Variants in VAV1 observed in about 807,000 individuals in gnomAD.
VAV1 encodes the protein proto-oncogene vav.
Under a neutral mutation model 128.1 loss-of-function variants are expected in VAV1, and 33 were observed. The observed-to-expected ratio is 0.26, with a 90% CI of 0.20 to 0.34. VAV1 has a LOEUF of 0.34. VAV1 is among the 10% of genes least tolerant of loss of function. VAV1 has a pLI of 1.00. For missense variants in VAV1, 715 were observed against 1,093.7 expected (o/e 0.65, Z 4.88); for synonymous variants, 394 against 409.8 (o/e 0.96, Z 0.47).
rs1257673878 is a variant in VAV1 at position 6,828,469 on chromosome 19, G to C, written c.1074G>C (p.Leu358=). 1 of 1,614,192 alleles carries C rather than the reference G, an allele frequency of 6.2e-7. No individual in the cohort carries two copies. The highest frequency in any genetic ancestry group is 1.3e-5 in the African/African-American group (1 of 75,046). ...QEAMEKENLR[L]ALDAMRDLAQ... ...CGATGGAGAAGGAGAACCTGCGGCTGGCCCTGGATGCCATGAGGGTGAGTG... is the reference window on the plus strand; with the variant it reads ...CGATGGAGAAGGAGAACCTGCGGCTCGCCCTGGATGCCATGAGGGTGAGTG... The change falls in exon 11 of 27, where the codon CTG becomes CTC. Residue 358 remains leucine, a synonymous_variant. Coordinates refer to ENST00000602142, the MANE Select transcript of VAV1 (RefSeq NM_005428.4). This position sits in a 1 kb window ranked among gnomAD's most constrained non-coding sequence, Gnocchi z 4.5.
chr19:6,839,096 T>C (rs1331756870), intron 21 of VAV1, among the ~76,000 whole-genome samples: 1 of 151,734 alleles, frequency 6.6e-6, no homozygotes, highest in Non-Finnish European at 1.5e-5. Context: ...AGAGATGGAG[T>C]TTCATCATGT....
chr19:6,848,150 G>T, intron 23 of VAV1, 36 bp downstream of exon 23: 1 of 1,513,256 alleles, frequency 6.6e-7, no homozygotes, highest in Non-Finnish European at 8.8e-7. Context: ...CCCTTTTGGG[G>T]CCTGGGCCCT....
intron 1 of VAV1, among the ~76,000 whole-genome samples, chr19:6,803,599 T>C (rs1161745625): frequency 6.6e-6 from 1 of 152,158 alleles, no homozygotes; most frequent in African/African-American, 2.4e-5. Context: ...ACTTTTGCCC[T>C]TGTTGTCCAG....
intron 1 of VAV1, among the ~76,000 whole-genome samples, chr19:6,778,446 G>A (rs1454498943): frequency 2.0e-5 from 3 of 152,190 alleles, no homozygotes; most frequent in Admixed American, 1.3e-4. Context: ...AGTTAGAGTA[G>A]GGGGTGGACT....
Position 6,777,913 on chromosome 19 carries a change from G to T in VAV1, c.204+4902G>T, listed in dbSNP as rs572235633. On this transcript the variant is annotated intron_variant, in intron 1 of 26. Transcript: ENST00000602142. The surrounding 1 kb of genome is among the most constrained non-coding windows in gnomAD (Gnocchi z 4.4). ...CCTCCCAGGTTCAAGCAATTCTCCT[G>T]CAGCAGCCTCCTGAGTATCTGGGAT... Among the ~76,000 whole-genome samples the T allele has an allele frequency of 2.5e-3, 378 of 152,232 alleles. 2 individuals are homozygous for T. Among genetic ancestry groups the T allele is most frequent in the African/African-American group, 8.7e-3 (363 of 41,530 alleles).
intron 19 of VAV1, 35 bp from the exon 20 acceptor site, chr19:6,836,397 C>T: frequency 6.3e-7 from 1 of 1,584,308 alleles, no homozygotes. Flanking sequence ...AAGTTGACTG[C>T]CAACCACCCT....
chr19:6,818,083 G>A (rs1485435446), intron 1 of VAV1, among the ~76,000 whole-genome samples: 1 of 151,924 alleles, frequency 6.6e-6, no homozygotes, highest in Non-Finnish European at 1.5e-5. Context: ...ACCTCCCAAC[G>A]TGCTGGGATT....
intron 14 of VAV1, 42 bp downstream of exon 14, chr19:6,829,960 C>T: frequency 5.6e-6 from 9 of 1,612,804 alleles, no homozygotes; most frequent in Non-Finnish European, 7.6e-6. Flanking sequence ...TCCACGCAGT[C>T]GGCAGCTTAG....
At chr19:6,835,738 T>C (rs2039789056) in intron 19 of VAV1, 1 of 152,264 alleles carries the variant, frequency 6.6e-6, no homozygotes, top group South Asian at 2.1e-4. Context: ...TTGTATAGTA[T>C]TCCATTATGT....
In VAV1 at chr19:6,821,660, C is replaced by A. The variant is rs141823895; in HGVS notation, c.360C>A (p.Ile120=). Residue 120 remains isoleucine, a synonymous_variant, in exon 3 of 27, where the codon ATC becomes ATA. Coordinates refer to ENST00000602142, the MANE Select transcript of VAV1 (RefSeq NM_005428.4). ...TGTCTGCTCTGTCCTGGACCCCGAT[C>A]GCCCAGAACAGGGGGATCATGTGAG... ...YTLSALSWTP[I]AQNRGIMPFP... is the part of the protein sequence containing the mutation. 6.2e-7 allele frequency: 1 copy of A among 1,614,164 alleles called. No individual in the cohort carries two copies. Among genetic ancestry groups the A allele is most frequent in the South Asian group, 1.1e-5 (1 of 91,092 alleles).
At position 6,853,184 on chromosome 19, in the gene VAV1, A is replaced by G. The variant is rs1043915103; in HGVS notation, c.2332+105A>G. 5 of 819,170 alleles carry G rather than the reference A, an allele frequency of 6.1e-6. No homozygotes were observed. In the African/African-American group the frequency reaches 6.9e-5, roughly 11 times the overall value. 50.7% of individuals were successfully genotyped at this position (819,170 alleles called of 1,614,324 possible). A position where few individuals can be genotyped will look rare whatever the true frequency, so the allele number is the denominator to read the frequency against. On this transcript the variant is annotated intron_variant, in intron 25 of 26. Coordinates refer to ENST00000602142, the MANE Select transcript of VAV1 (RefSeq NM_005428.4). The stretch of plus-strand genomic sequence containing the variant: ...CCCTTCCAATGGCCTTGCAGAGGTC[A>G]TATCTGTGCAGTAGCAGGAACCCCT...
rs921027296 is a variant in VAV1, at chr19:6,828,289, G to T, written c.1023+118G>T. ...CTAGGACGCTCGGGGATGGGTCACT[G>T]GGGTCATGTCTCAGCCTCCAGGGTC... On this transcript the variant is annotated intron_variant, in intron 10 of 26. Coordinates refer to ENST00000602142, the MANE Select transcript of VAV1 (RefSeq NM_005428.4). The surrounding 1 kb of genome is among the most constrained non-coding windows in gnomAD (Gnocchi z 4.5). 1.3e-6 allele frequency: 2 copies of T among 1,506,908 alleles called. No homozygotes were observed. Among genetic ancestry groups the T allele is most frequent in the African/African-American group, 1.4e-5 (1 of 72,546 alleles). 93.3% of individuals were successfully genotyped at this position (1,506,908 alleles called of 1,614,324 possible). A position where few individuals can be genotyped will look rare whatever the true frequency, so the allele number is the denominator to read the frequency against.
At chr19:6,817,885 A>G (rs971758956) in intron 1 of VAV1, among the ~76,000 whole-genome samples, 8 of 152,076 alleles carry the variant, frequency 5.3e-5, no homozygotes, top group Admixed American at 4.6e-4. Context: ...ACGGGATTTC[A>G]CCGTGTTAGC....
Position 6,826,682 on chromosome 19 carries a change from G to A in VAV1, c.898G>A (p.Ala300Thr). 1 of 1,558,264 alleles carries A rather than the reference G, an allele frequency of 6.4e-7. No homozygotes were observed. Among genetic ancestry groups the A allele is most frequent in the Non-Finnish European group, 8.7e-7 (1 of 1,153,638 alleles). ...CAAACACCTGGACCGTGTGGCCGCA[G>A]CCCGGGAGGACGTGCAGATGAAGCT... Reference protein sequence around the residue: ...ASKHLDRVAAAREDVQMKLEE... With the variant: ...ASKHLDRVAATREDVQMKLEE... Residue 300 changes from alanine to threonine, a missense_variant, in exon 9 of 27, where the codon GCC (alanine) becomes ACC (threonine). Ala to Thr is a moderately conservative substitution (Grantham distance 58). This residue lies in a region of VAV1 where 302 missense variants were observed against 477.8 expected (regional missense o/e 0.63). Coordinates refer to ENST00000602142, the MANE Select transcript of VAV1 (RefSeq NM_005428.4). This position sits in a 1 kb window ranked among gnomAD's most constrained non-coding sequence, Gnocchi z 4.1.
rs948805408 is a variant in VAV1, at chr19:6,777,928, G to A, written c.204+4917G>A. Among the ~76,000 whole-genome samples, 2 of 152,126 alleles carry A rather than the reference G, an allele frequency of 1.3e-5. No individual in the cohort carries two copies. Among genetic ancestry groups the A allele is most frequent in the Non-Finnish European group, 2.9e-5 (2 of 68,030 alleles). The stretch of plus-strand genomic sequence containing the variant: ...CAATTCTCCTGCAGCAGCCTCCTGA[G>A]TATCTGGGATTACAGGCGCCTGCCA... On this transcript the variant is annotated intron_variant, in intron 1 of 26. Coordinates refer to ENST00000602142, the MANE Select transcript of VAV1 (RefSeq NM_005428.4). This position sits in a 1 kb window ranked among gnomAD's most constrained non-coding sequence, Gnocchi z 4.4.
At chr19:6,816,176 C>G (rs951737491) in intron 1 of VAV1, among the ~76,000 whole-genome samples, 6 of 152,006 alleles carry the variant, frequency 3.9e-5, no homozygotes, top group African/African-American at 1.4e-4. Context: ...CACACCACCA[C>G]GCCCAGCTAA....
At chr19:6,848,774 AT>A (rs1211776417) in intron 23 of VAV1, among the ~76,000 whole-genome samples, 2 of 149,664 alleles carry the variant, frequency 1.3e-5, no homozygotes, top group East Asian at 3.9e-4. Context: ...GGAATTTCTA[AT>A]TTTTTTAATT....
At chr19:6,774,474 C>G (rs1337574509) in intron 1 of VAV1, among the ~76,000 whole-genome samples, 1 of 127,124 alleles carries the variant, frequency 7.9e-6, no homozygotes, top group Non-Finnish European at 1.6e-5. Context: ...CTCACTCTGT[C>G]GCCCAGGCTG....
At chr19:6,854,272 A>G (rs1238507700) in intron 26 of VAV1, among the ~76,000 whole-genome samples, 174 bp downstream of exon 26, 1 of 152,210 alleles carries the variant, frequency 6.6e-6, no homozygotes, top group Non-Finnish European at 1.5e-5. Context: ...ACCTACCTGC[A>G]TGTATTCAGC....
Sources: gnomAD v4.1 joint callset for allele counts (sites outside exome capture counted in the v4.1 genomes callset) on GRCh38, gnomAD v4.1.1 for gene constraint, gnomAD v4.1.1 regional missense constraint, Gnocchi (gnomAD v3.1) non-coding constraint, MANE v1.5 for transcripts, NCBI Gene and HGNC (gene_info 2026-07-23, HGNC 2026-07-21) for gene names.